Variants in GRIK4 observed in about 807,000 individuals in gnomAD.
The protein encoded by GRIK4 is glutamate ionotropic receptor kainate type subunit 4.
In GRIK4, 40 loss-of-function variants were observed where a neutral mutation model predicts 104.9. That is an observed-to-expected ratio of 0.38 (90% CI 0.30 to 0.50). GRIK4 has a LOEUF of 0.50. GRIK4 is among the 20% of genes least tolerant of loss of function. The pLI is 0.93. For synonymous variants in GRIK4, 485 were observed against 524.9 expected, an observed-to-expected ratio of 0.92 and a Z score of 1.04; for missense variants, 1,047 against 1,308.1, an observed-to-expected ratio of 0.80 and a Z score of 3.08.
intron 3 of GRIK4, among the ~76,000 whole-genome samples, chr11:120,673,212 C>A (rs1007804756): frequency 1.3e-5 from 2 of 152,208 alleles, no homozygotes; most frequent in African/African-American, 2.4e-5. Context: ...TAGTTCTCTG[C>A]TGTTTCCCCA....
intron 1 of GRIK4, among the ~76,000 whole-genome samples, chr11:120,539,211 T>TG (rs1053761987): frequency 4.6e-5 from 7 of 152,150 alleles, no homozygotes; most frequent in African/African-American, 1.4e-4. Context: ...TGGGTGGTTT[T>TG]GGGGGGCCTG....
intron 1 of GRIK4, among the ~76,000 whole-genome samples, chr11:120,630,856 A>G (rs1371850790): frequency 6.6e-6 from 1 of 152,216 alleles, no homozygotes; most frequent in Non-Finnish European, 1.5e-5. Context: ...TCCTTGGGCA[A>G]GGCCCCTCCC....
In GRIK4 at chr11:120,874,158, G is replaced by A; in HGVS notation, c.999G>A (p.Leu333=). 6.2e-7 allele frequency: 1 copy of A among 1,613,860 alleles called. No individual in the cohort carries two copies. Among genetic ancestry groups the A allele is most frequent in the Non-Finnish European group, 8.5e-7 (1 of 1,179,978 alleles). ...GCCAAGAGATCGGCGTGAAGCCCTT[G>A]TCCTGCGGCTCGGCCCAGATCTGGC... ...NRSQEIGVKP[L]SCGSAQIWQH... The change falls in exon 10 of 21, where the codon TTG becomes TTA. Residue 333 remains leucine, a synonymous_variant. Transcript: ENST00000527524.
intron 3 of GRIK4, among the ~76,000 whole-genome samples, chr11:120,734,479 C>G (rs1565321584): frequency 6.6e-6 from 1 of 152,076 alleles, no homozygotes; most frequent in Non-Finnish European, 1.5e-5. Flanking sequence ...TTCTTTATTT[C>G]TGACTTTTGG....
intron 19 of GRIK4, among the ~76,000 whole-genome samples, chr11:120,976,092 C>A (rs1257163267): frequency 6.6e-6 from 1 of 152,170 alleles, no homozygotes; most frequent in Non-Finnish European, 1.5e-5. Context: ...ACATGAACAA[C>A]CTAAGTTCTC....
At chr11:120,557,299 C>G (rs559054073) in intron 1 of GRIK4, among the ~76,000 whole-genome samples, 1 of 152,206 alleles carries the variant, frequency 6.6e-6, no homozygotes, top group Non-Finnish European at 1.5e-5. Flanking sequence ...TTCTGCTGCA[C>G]GCTCTAGGTC....
intron 3 of GRIK4, among the ~76,000 whole-genome samples, chr11:120,764,426 G>A (rs1259299979): frequency 6.6e-6 from 1 of 152,084 alleles, no homozygotes; most frequent in African/African-American, 2.4e-5. Flanking sequence ...TTTAATTGGG[G>A]CATTTAGCCC....
intron 11 of GRIK4, among the ~76,000 whole-genome samples, chr11:120,876,915 C>A (rs1954836302): frequency 6.6e-6 from 1 of 152,226 alleles, no homozygotes; most frequent in Non-Finnish European, 1.5e-5. Context: ...GCCGTGGAGG[C>A]CCTGTCATGT....
chr11:120,540,352 G>A (rs555605884), intron 1 of GRIK4, among the ~76,000 whole-genome samples: 97 of 152,296 alleles, frequency 6.4e-4, no homozygotes, highest in Admixed American at 1.7e-3. Context: ...TGGGCGTGGC[G>A]GCTCATGCCT....
At position 120,987,100 on chromosome 11, in the gene GRIK4, C is replaced by T. The variant is rs1470129643; in HGVS notation, c.*840C>T. On this transcript the variant is annotated 3_prime_UTR_variant, in exon 21 of 21. Coordinates refer to ENST00000527524, the MANE Select transcript of GRIK4 (RefSeq NM_014619.5). ...TAATCTGTCTTTTCTTTCCCTTTCTCTTTCTGACTGTCACTATTACTGGGT... is the reference window on the plus strand; with the variant it reads ...TAATCTGTCTTTTCTTTCCCTTTCTTTTTCTGACTGTCACTATTACTGGGT... The T allele has an allele frequency of 6.6e-6, 1 of 152,270 alleles. No individual in the cohort carries two copies. The highest frequency in any genetic ancestry group is 1.5e-5 in the Non-Finnish European group (1 of 68,070). The allele number at this position is 152,270 out of a possible 1,614,324, so 9.4% of individuals were successfully genotyped here.
chr11:120,630,793 G>T (rs1182036126), intron 1 of GRIK4, among the ~76,000 whole-genome samples: 1 of 152,232 alleles, frequency 6.6e-6, no homozygotes, highest in Non-Finnish European at 1.5e-5. Flanking sequence ...TGGAAAGTTC[G>T]CTAACCAGGG....
At chr11:120,761,675 A>G (rs895086968) in intron 3 of GRIK4, among the ~76,000 whole-genome samples, 2 of 152,164 alleles carry the variant, frequency 1.3e-5, no homozygotes, top group Non-Finnish European at 2.9e-5. Flanking sequence ...ATGGCTAGCC[A>G]GTTTTCTCAC....
At chr11:120,961,286 C>T (rs1439601724) in intron 17 of GRIK4, among the ~76,000 whole-genome samples, 1 of 152,076 alleles carries the variant, frequency 6.6e-6, no homozygotes, top group Non-Finnish European at 1.5e-5. Flanking sequence ...TCAGCCGGTG[C>T]CAGAGTGGTG....
At chr11:120,691,983 A>G (rs1256966868) in intron 3 of GRIK4, among the ~76,000 whole-genome samples, 1 of 152,172 alleles carries the variant, frequency 6.6e-6, no homozygotes, top group Non-Finnish European at 1.5e-5. Flanking sequence ...TCGGTGAGCA[A>G]TACCCTCCTA....
In GRIK4 at chr11:120,652,014, G is replaced by A. The variant is rs757984427; in HGVS notation, c.-158-1671G>A. Among the ~76,000 whole-genome samples the A allele has an allele frequency of 3.9e-5, 6 of 152,130 alleles. No homozygotes were observed. In the East Asian group the frequency reaches 5.8e-4, roughly 15 times the overall value. ...GTGAGAACAAGTTCCCGGAGCCAACGCCCAGTTCCTCCATTTCCCCGCTGA... is the reference window on the plus strand; with the variant it reads ...GTGAGAACAAGTTCCCGGAGCCAACACCCAGTTCCTCCATTTCCCCGCTGA... On this transcript the variant is annotated intron_variant, in intron 1 of 20. Transcript: ENST00000527524.
At chr11:120,527,737 A>G (rs1229249170) in intron 1 of GRIK4, among the ~76,000 whole-genome samples, 1 of 152,196 alleles carries the variant, frequency 6.6e-6, no homozygotes, top group Admixed American at 6.5e-5. Context: ...TTGCATTTAT[A>G]TGCAGCTGGC....
At position 120,917,269 on chromosome 11, in the gene GRIK4, AAAAGAAAG is replaced by A. The variant is rs1194010522; in HGVS notation, c.1476+11796_1476+11803del. On this transcript the variant is annotated intron_variant, in intron 13 of 20. Transcript: ENST00000527524. ...TCTCAAAAAAAAAAAAAAAAAAAAA[AAAAGAAAG>A]AAAGAAAGAAAGAAAGAAAAAAGAA... is the stretch of plus-strand genomic sequence containing the variant. 4.4e-3 allele frequency among the ~76,000 whole-genome samples: 607 copies of A among 138,222 alleles called. 3 individuals are homozygous for A. The highest frequency in any genetic ancestry group is 9.7e-3 in the African/African-American group (317 of 32,638). 90.7% of individuals were successfully genotyped at this position (138,222 alleles called of 152,430 possible).
rs550833661 is a variant in GRIK4, at chr11:120,861,949, G to A, written c.745-10G>A. The A allele has an allele frequency of 1.0e-5, 16 of 1,607,222 alleles. No homozygotes were observed. The highest frequency in any genetic ancestry group is 1.4e-5 in the Non-Finnish European group (16 of 1,174,282). On this transcript the variant is annotated splice_polypyrimidine_tract_variant and intron_variant, in intron 8 of 20. Coordinates refer to ENST00000527524, the MANE Select transcript of GRIK4 (RefSeq NM_014619.5). ...ACTACATTCTTATTTCTGATGCTGG[G>A]TCTTTCCAGGAGTTCTCACTCCAGA...
Position 120,969,461 on chromosome 11 carries a change from G to A in GRIK4, c.2395+2138G>A, listed in dbSNP as rs554995057. Among the ~76,000 whole-genome samples the A allele has an allele frequency of 1.9e-4, 29 of 152,188 alleles. 1 individual carries two copies. The highest frequency in any genetic ancestry group is 2.6e-4 in the Admixed American group (4 of 15,304). On this transcript the variant is annotated intron_variant, in intron 19 of 20. Coordinates refer to ENST00000527524, the MANE Select transcript of GRIK4 (RefSeq NM_014619.5). ...GGGCAGGGCTGTGTGCAGGGGCGCC[G>A]GGTGGTCCATGTGGAACAGATAAGA...
Sources: allele counts gnomAD v4.1 joint callset (sites outside exome capture counted in the v4.1 genomes callset), GRCh38; gene constraint gnomAD v4.1.1; transcripts MANE v1.5; gene names NCBI Gene and HGNC (gene_info 2026-07-23, HGNC 2026-07-21).